XPA: variants seen among roughly 807,000 people sequenced by gnomAD.
XPA encodes XPA, DNA damage recognition and repair factor, also known as DNA repair protein complementing XP-A cells.
A neutral mutation model predicts 35.7 loss-of-function variants in XPA; 27 were observed. The ratio of observed to expected loss-of-function variants is 0.76; its 90% CI spans 0.56 to 1.04. XPA has a LOEUF of 1.04. XPA is among the 50% of genes least tolerant of loss of function. The probability of loss-of-function intolerance (pLI) is 0.00; values close to 1 mark genes in which losing one functional copy is unlikely to be tolerated. For synonymous variants in XPA, 133 were observed against 118.4 expected, an observed-to-expected ratio of 1.12 and a Z score of -0.80; for missense variants, 354 against 342.7, an observed-to-expected ratio of 1.03 and a Z score of -0.26.
rs1829089034 is a variant in XPA, at chr9:97,697,294, T to C, written c.-2A>G. On this transcript the variant is annotated 5_prime_UTR_variant, in exon 1 of 6. Transcript: ENST00000375128. ...CAAAGCCCCGTCGGCCGCCGCCATC[T>C]CTGGCCCACTCCGAGGACCTAGCTC... 1.3e-6 allele frequency: 2 copies of C among 1,598,060 alleles called. No homozygotes were observed. The highest frequency in any genetic ancestry group is 1.7e-6 in the Non-Finnish European group (2 of 1,179,186).
chr9:97,668,303 T>A, the XPA span, among the ~76,000 whole-genome samples: 1 of 152,296 alleles, frequency 6.6e-6, no homozygotes, highest in East Asian at 1.9e-4. Flanking sequence ...AAAAATTAAA[T>A]TCTATAAACT....
At chr9:97,664,365 T>A in the XPA span, 1 of 1,612,332 alleles carries the variant, frequency 6.2e-7, no homozygotes, top group Non-Finnish European at 8.5e-7. Flanking sequence ...GTGGATAAGA[T>A]GATTCGTACA....
chr9:97,658,719 T>G, the XPA span: 1 of 1,610,460 alleles, frequency 6.2e-7, no homozygotes, highest in African/African-American at 1.3e-5. Context: ...AACCTGCATT[T>G]ACAAGTATGG....
chr9:97,654,564 TAA>T, the XPA span, among the ~76,000 whole-genome samples: 81 of 140,516 alleles, frequency 5.8e-4, no homozygotes, highest in Admixed American at 8.0e-4. Flanking sequence ...AACCTTCAGT[TAA>T]AAAAAAAAAA....
rs1291510066 is a variant in XPA at position 97,675,053 on chromosome 9, CTAT to C, written c.*383_*385del. ...GGGGTACAGTGGTGCACCACCATTGCTATTATTTGTTTCTTGGTTAAGAATCCA... is the reference window on the plus strand; with the variant it reads ...GGGGTACAGTGGTGCACCACCATTGCTATTTGTTTCTTGGTTAAGAATCCA... On this transcript the variant is annotated 3_prime_UTR_variant, in exon 6 of 6. Transcript: ENST00000375128. 5.6e-6 allele frequency: 3 copies of C among 532,490 alleles called. No individual in the cohort carries two copies. The highest frequency in any genetic ancestry group is 2.2e-5 in the Admixed American group (1 of 44,960). 33.0% of individuals were successfully genotyped at this position (532,490 alleles called of 1,614,324 possible).
the XPA span, chr9:97,662,896 C>T: frequency 1.5e-6 from 2 of 1,292,466 alleles, no homozygotes; most frequent in Non-Finnish European, 2.2e-6. Flanking sequence ...GCTTTGAAAA[C>T]ACTAAAATGT....
At chr9:97,686,658 G>A (rs953226250) in intron 4 of XPA, among the ~76,000 whole-genome samples, 11 of 152,180 alleles carry the variant, frequency 7.2e-5, no homozygotes, top group African/African-American at 1.9e-4. Flanking sequence ...CAGGCGTGGC[G>A]GCTCATGCCT....
chr9:97,687,388 A>T (rs1828753679), intron 3 of XPA, 127 bp from the exon 4 acceptor site: 1 of 709,148 alleles, frequency 1.4e-6, no homozygotes, highest in Non-Finnish European at 2.2e-6. Flanking sequence ...TGCAACTCTC[A>T]TGGTTAAATT....
chr9:97,676,942 T>G (rs3176742), intron 5 of XPA, among the ~76,000 whole-genome samples: 8 of 152,166 alleles, frequency 5.3e-5, no homozygotes, highest in African/African-American at 1.7e-4. Flanking sequence ...AATGCCCTCC[T>G]TCCTTTAAAT....
intron 5 of XPA, among the ~76,000 whole-genome samples, chr9:97,680,271 G>T (rs1828496714): frequency 2.0e-5 from 3 of 151,974 alleles, no homozygotes; most frequent in Admixed American, 2.0e-4. Flanking sequence ...TGCAATGGGG[G>T]GATCTCAGCT....
chr9:97,657,927 T>TA, the XPA span, among the ~76,000 whole-genome samples: 2,358 of 92,688 alleles, frequency 0.025, 7 homozygotes, highest in African/African-American at 0.036. Flanking sequence ...TATATATATA[T>TA]TTTTTTTTTT....
intron 4 of XPA, 69 bp downstream of exon 4, chr9:97,687,027 C>T: frequency 2.0e-6 from 3 of 1,522,150 alleles, no homozygotes; most frequent in Non-Finnish European, 2.7e-6. Flanking sequence ...AAAAGCCAAA[C>T]CAATTATGAC....
chr9:97,680,884 A>G (rs569892405), intron 5 of XPA, among the ~76,000 whole-genome samples: 7 of 152,320 alleles, frequency 4.6e-5, no homozygotes, highest in African/African-American at 1.7e-4. Context: ...TGAAGGCCTA[A>G]TTGAAGCTGG....
the XPA span, chr9:97,658,627 A>G: frequency 1.3e-6 from 2 of 1,572,278 alleles, no homozygotes; most frequent in Non-Finnish European, 1.8e-6. Flanking sequence ...TGAGGCTGTT[A>G]TTTGTATTGT....
At chr9:97,674,559 C>T (rs1469919218), downstream of XPA, among the ~76,000 whole-genome samples, 2 of 151,964 alleles carry the variant, frequency 1.3e-5, no homozygotes, top group Non-Finnish European at 1.5e-5. Flanking sequence ...TGCATAGACC[C>T]AATAATTCTT....
the XPA span, chr9:97,668,727 T>A: frequency 5.2e-6 from 6 of 1,159,068 alleles, no homozygotes; most frequent in Admixed American, 1.6e-4. Flanking sequence ...GGGGGGTACT[T>A]TCACTATAGA....
chr9:97,668,212 G>T, the XPA span, among the ~76,000 whole-genome samples: 1 of 152,200 alleles, frequency 6.6e-6, no homozygotes, highest in Non-Finnish European at 1.5e-5. Context: ...GTGATGCTGG[G>T]AAAGTCATCT....
chr9:97,675,698 T>A (rs1828342609), intron 5 of XPA, 111 bp from the exon 6 acceptor site: 1 of 1,285,764 alleles, frequency 7.8e-7, no homozygotes, highest in Non-Finnish European at 1.1e-6. Flanking sequence ...CTATGTGTAT[T>A]TAAACCATAT....
chr9:97,656,056 T>A, the XPA span: 2 of 1,614,084 alleles, frequency 1.2e-6, no homozygotes. Context: ...AACCGAAGTT[T>A]GTAAGAGAAG....
Sources: allele counts gnomAD v4.1 joint callset (sites outside exome capture counted in the v4.1 genomes callset), GRCh38; gene constraint gnomAD v4.1.1; transcripts MANE v1.5; gene names NCBI Gene and HGNC (gene_info 2026-07-23, HGNC 2026-07-21).